CREB5: variants seen among roughly 807,000 people sequenced by gnomAD.
The protein encoded by CREB5 is cAMP responsive element binding protein 5, also known as cyclic AMP-responsive element-binding protein 5.
CREB5 carries 19 observed loss-of-function variants against 57.1 expected under a neutral mutation model. The observed-to-expected ratio is 0.33, with a 90% CI of 0.23 to 0.49. The LOEUF (loss-of-function observed/expected upper bound fraction) is 0.49. Ranked by LOEUF, CREB5 falls within the 20% of genes least tolerant of loss-of-function variation. CREB5 has a pLI of 0.99. For synonymous variants in CREB5, 238 were observed against 238.3 expected (o/e 1.00, Z 0.01); for missense variants, 579 against 671.6 (o/e 0.86, Z 1.52).
At chr7:28,382,832 C>T (rs1442313150) in intron 1 of CREB5, among the ~76,000 whole-genome samples, 3 of 151,670 alleles carry the variant, frequency 2.0e-5, no homozygotes, top group South Asian at 2.1e-4. Context: ...ATCAAGAGAA[C>T]GGGGTCATTA....
Position 28,486,684 on chromosome 7 carries a change from AT to A in CREB5, c.4-1490del. On this transcript the variant is annotated intron_variant, in intron 1 of 10. Transcript: ENST00000357727. ...CTCCTATGATTTTATATATATATATATATATATATGTTACTGTGTGGATTGG... is the reference window on the plus strand; with the variant it reads ...CTCCTATGATTTTATATATATATATAATATATATGTTACTGTGTGGATTGG... Among the ~76,000 whole-genome samples, 3 of 135,000 alleles carry A rather than the reference AT, an allele frequency of 2.2e-5. No homozygotes were observed. The South Asian group carries it at 7.0e-4, about 32-fold the overall frequency. 88.6% of individuals were successfully genotyped at this position (135,000 alleles called of 152,430 possible). A position where few individuals can be genotyped will look rare whatever the true frequency, so the allele number is the denominator to read the frequency against.
In CREB5 at chr7:28,464,855, T is replaced by C. The variant is rs546519388; in HGVS notation, c.4-23320T>C. 3.2e-4 allele frequency among the ~76,000 whole-genome samples: 49 copies of C among 152,340 alleles called. 1 individual carries two copies. The highest frequency in any genetic ancestry group is 1.1e-3 in the African/African-American group (47 of 41,576). On this transcript the variant is annotated intron_variant, in intron 1 of 10. Transcript: ENST00000357727. The stretch of plus-strand genomic sequence containing the variant: ...AGTGTTTACCGTATACTGGATATTA[T>C]GCAAAATACTTAACATACGTAGCTG...
At chr7:28,599,839 A>T (rs1040735844) in intron 5 of CREB5, among the ~76,000 whole-genome samples, 11 of 152,122 alleles carry the variant, frequency 7.2e-5, no homozygotes, top group Non-Finnish European at 1.5e-4. Flanking sequence ...GACAGGCAGG[A>T]TATGAGAATT....
chr7:28,327,330 A>G (rs937501296), intron 1 of CREB5, among the ~76,000 whole-genome samples: 6 of 152,118 alleles, frequency 3.9e-5, no homozygotes, highest in Non-Finnish European at 8.8e-5. Flanking sequence ...ATGAATCTGC[A>G]TTTTGTCATG....
intron 5 of CREB5, among the ~76,000 whole-genome samples, chr7:28,675,915 T>A (rs1002126395): frequency 5.3e-5 from 8 of 152,202 alleles, no homozygotes; most frequent in African/African-American, 1.9e-4. Context: ...TACAGGCATT[T>A]ATAGCTTATT....
At chr7:28,690,198 GCCTTC>G (rs1801178933) in intron 5 of CREB5, among the ~76,000 whole-genome samples, 1 of 152,118 alleles carries the variant, frequency 6.6e-6, no homozygotes, top group East Asian at 1.9e-4. Context: ...CATGGGCTTT[GCCTTC>G]CACAGGGGTC....
intron 5 of CREB5, among the ~76,000 whole-genome samples, chr7:28,680,899 T>C (rs182727304): frequency 6.4e-4 from 98 of 152,244 alleles, no homozygotes; most frequent in African/African-American, 1.8e-3. Context: ...AAAGTCCTGG[T>C]GGCAGTGTCT....
intron 1 of CREB5, among the ~76,000 whole-genome samples, chr7:28,351,978 C>T (rs980976980): frequency 3.3e-5 from 5 of 151,988 alleles, no homozygotes; most frequent in Admixed American, 1.3e-4. Context: ...GTTTTAATTG[C>T]CAGTTTTAAA....
At chr7:28,707,952 C>T (rs181578118) in intron 5 of CREB5, among the ~76,000 whole-genome samples, 30 of 152,276 alleles carry the variant, frequency 2.0e-4, no homozygotes, top group East Asian at 1.2e-3. Context: ...TCTTCCCTTC[C>T]GGCTTTTTAG....
chr7:28,527,066 T>C (rs1793480883), intron 4 of CREB5, among the ~76,000 whole-genome samples: 1 of 152,166 alleles, frequency 6.6e-6, no homozygotes, highest in Admixed American at 6.5e-5. Context: ...GGACAACTCA[T>C]CAGGGAATTG....
At chr7:28,629,545 G>A (rs1234210194) in intron 5 of CREB5, among the ~76,000 whole-genome samples, 2 of 152,238 alleles carry the variant, frequency 1.3e-5, no homozygotes, top group Non-Finnish European at 2.9e-5. Context: ...AGCAGGGACA[G>A]TCAGGGGTTG....
intron 1 of CREB5, among the ~76,000 whole-genome samples, chr7:28,485,348 G>C (rs1583523125): frequency 6.6e-6 from 1 of 152,036 alleles, no homozygotes; most frequent in South Asian, 2.1e-4. Context: ...ATCATCTAAT[G>C]TTACCTGGTA....
chr7:28,492,970 G>A (rs1791872552), intron 2 of CREB5, among the ~76,000 whole-genome samples: 1 of 152,034 alleles, frequency 6.6e-6, no homozygotes, highest in Non-Finnish European at 1.5e-5. Flanking sequence ...GCAAACTTCA[G>A]TGTATTCAGA....
chr7:28,537,976 C>T (rs1794033660), intron 4 of CREB5, among the ~76,000 whole-genome samples: 1 of 152,152 alleles, frequency 6.6e-6, no homozygotes, highest in African/African-American at 2.4e-5. Flanking sequence ...TACAAAAACA[C>T]TGGGGGAAAA....
At chr7:28,713,781 A>C (rs1462968421) in intron 5 of CREB5, among the ~76,000 whole-genome samples, 1 of 152,164 alleles carries the variant, frequency 6.6e-6, no homozygotes, top group East Asian at 1.9e-4. Context: ...TGAAATGGAG[A>C]GCCTGAAAGT....
intron 4 of CREB5, among the ~76,000 whole-genome samples, chr7:28,532,922 T>C (rs1039234496): frequency 6.6e-6 from 1 of 152,228 alleles, no homozygotes; most frequent in Non-Finnish European, 1.5e-5. Context: ...AACTTAGAAC[T>C]GTGTTTAGCA....
chr7:28,520,680 G>T (rs925916882), intron 4 of CREB5, among the ~76,000 whole-genome samples: 1 of 152,228 alleles, frequency 6.6e-6, no homozygotes, highest in African/African-American at 2.4e-5. Context: ...CTATCTCTGA[G>T]ATAAGAGTTC....
chr7:28,522,635 T>C (rs975427617), intron 4 of CREB5, among the ~76,000 whole-genome samples: 7 of 152,018 alleles, frequency 4.6e-5, no homozygotes, highest in Non-Finnish European at 1.0e-4. Context: ...TGACCTCAAG[T>C]GATCCGCCTG....
chr7:28,512,649 G>T (rs150599), intron 4 of CREB5, among the ~76,000 whole-genome samples: 2 of 138,464 alleles, frequency 1.4e-5, no homozygotes, highest in Middle Eastern at 6.9e-3. Context: ...TATAATAACT[G>T]TGTGTGTGTG....
Sources: allele counts gnomAD v4.1 joint callset (sites outside exome capture counted in the v4.1 genomes callset), GRCh38; gene constraint gnomAD v4.1.1; transcripts MANE v1.5; gene names NCBI Gene and HGNC (gene_info 2026-07-23, HGNC 2026-07-21).